The following CDH13 variants were observed in gnomAD, a reference collection of about 807,000 sequenced individuals.
CDH13 encodes cadherin-13.
Under a neutral mutation model 63.8 loss-of-function variants are expected in CDH13, and 24 were observed. The observed-to-expected ratio is 0.38, with a 90% CI of 0.27 to 0.53. CDH13 has a LOEUF of 0.53. Among genes scored for constraint, CDH13 ranks in the 20% least tolerant of loss-of-function variants. CDH13 has a pLI of 0.85. For missense variants in CDH13, 1,049 were observed against 903.1 expected (o/e 1.16, Z -2.07); for synonymous variants, 503 against 355.3 (o/e 1.42, Z -4.67).
At chr16:82,682,406 A>G (rs545754878) in intron 1 of CDH13, among the ~76,000 whole-genome samples, 6 of 152,316 alleles carry the variant, frequency 3.9e-5, no homozygotes, top group African/African-American at 1.2e-4. Context: ...AACAGAGGAG[A>G]GGCCACCTAT....
chr16:83,007,990 T>C (rs1913722623), intron 2 of CDH13, among the ~76,000 whole-genome samples: 1 of 152,208 alleles, frequency 6.6e-6, no homozygotes, highest in Admixed American at 6.5e-5. Context: ...TACTTGGCTA[T>C]TTTCATTCAT....
intron 10 of CDH13, among the ~76,000 whole-genome samples, chr16:83,741,409 T>C (rs1343207026): frequency 6.6e-6 from 1 of 152,156 alleles, no homozygotes; most frequent in Non-Finnish European, 1.5e-5. Flanking sequence ...AAAAATACCC[T>C]GTATCTCCTC....
intron 2 of CDH13, among the ~76,000 whole-genome samples, chr16:82,874,480 T>C (rs1333192855): frequency 6.6e-6 from 1 of 151,666 alleles, no homozygotes; most frequent in Non-Finnish European, 1.5e-5. Flanking sequence ...CTGCACCAGC[T>C]TTTTTCTTTT....
At chr16:82,866,377 CTTTTTTTT>C (rs538206338) in intron 2 of CDH13, among the ~76,000 whole-genome samples, 9 of 58,322 alleles carry the variant, frequency 1.5e-4, no homozygotes, top group Non-Finnish European at 2.0e-4. Flanking sequence ...TTTTCTTCTT[CTTTTTTTT>C]TTTTTTTTTT....
intron 1 of CDH13, among the ~76,000 whole-genome samples, chr16:82,828,974 C>T (rs2038394291): frequency 6.6e-6 from 1 of 152,066 alleles, no homozygotes; most frequent in South Asian, 2.1e-4. Context: ...CAGAGACTTC[C>T]ACAGTGAACA....
intron 7 of CDH13, among the ~76,000 whole-genome samples, chr16:83,491,767 C>T (rs762147449): frequency 2.0e-5 from 3 of 152,090 alleles, no homozygotes; most frequent in Non-Finnish European, 2.9e-5. Context: ...ATAGCCTGCC[C>T]GTGAAAATGT....
Position 83,798,192 on chromosome 16 carries a change from C to G in CDH13, c.*3162C>G, listed in dbSNP as rs911307314. ...ATCTACCATCACACTCATAGAGTAG[C>G]TCAAATTGCATTTTACCCAAATAAA... On this transcript the variant is annotated 3_prime_UTR_variant, in exon 14 of 14. Transcript: ENST00000567109. 6.6e-6 allele frequency: 1 copy of G among 152,318 alleles called. No individual in the cohort carries two copies. Among genetic ancestry groups the G allele is most frequent in the Middle Eastern group, 3.4e-3 (1 of 294 alleles). 9.4% of individuals were successfully genotyped at this position (152,318 alleles called of 1,614,324 possible).
chr16:82,977,740 T>G (rs973665884), intron 2 of CDH13, among the ~76,000 whole-genome samples: 1 of 152,190 alleles, frequency 6.6e-6, no homozygotes, highest in East Asian at 1.9e-4. Flanking sequence ...GGTGCTGCTC[T>G]AAAGATACCC....
At chr16:83,023,086 A>G (rs1448680397) in intron 2 of CDH13, 1 of 152,228 alleles carries the variant, frequency 6.6e-6, no homozygotes, top group Non-Finnish European at 1.5e-5. Context: ...GGAAAAGCAT[A>G]AAATCAAGGT....
At chr16:83,154,381 C>T (rs1485280270) in intron 4 of CDH13, among the ~76,000 whole-genome samples, 1 of 151,846 alleles carries the variant, frequency 6.6e-6, no homozygotes, top group South Asian at 2.1e-4. Flanking sequence ...ATGGTGAAAC[C>T]CTGTCTCTAC....
intron 2 of CDH13, chr16:82,859,190 G>C (rs984124402): frequency 1.1e-4 from 16 of 152,260 alleles, no homozygotes; most frequent in African/African-American, 3.9e-4. Flanking sequence ...TAGACAAATA[G>C]CTATTTCATT....
At chr16:83,457,986 G>A (rs1019209655) in intron 6 of CDH13, among the ~76,000 whole-genome samples, 2 of 152,208 alleles carry the variant, frequency 1.3e-5, no homozygotes, top group African/African-American at 2.4e-5. Context: ...ACAAAAGAGG[G>A]TCCCGGGGGC....
intron 7 of CDH13, among the ~76,000 whole-genome samples, chr16:83,565,489 G>C (rs925892542): frequency 8.7e-5 from 13 of 150,168 alleles, no homozygotes; most frequent in Non-Finnish European, 1.6e-4. Context: ...CACTCCTTGA[G>C]GACATTTGGT....
chr16:83,682,164 G>T (rs936935548), intron 10 of CDH13, among the ~76,000 whole-genome samples: 3 of 152,188 alleles, frequency 2.0e-5, no homozygotes, highest in Non-Finnish European at 2.9e-5. Flanking sequence ...AACAGAAAAA[G>T]AATATGTTGA....
chr16:82,720,436 G>A (rs1287550936), intron 1 of CDH13, among the ~76,000 whole-genome samples: 1 of 152,216 alleles, frequency 6.6e-6, no homozygotes, highest in African/African-American at 2.4e-5. Flanking sequence ...GGTCTTGGGT[G>A]GCCAAAGCCT....
At chr16:83,510,037 C>T (rs1442365541) in intron 7 of CDH13, among the ~76,000 whole-genome samples, 1 of 152,130 alleles carries the variant, frequency 6.6e-6, no homozygotes, top group Non-Finnish European at 1.5e-5. Context: ...AGTGTTTTTG[C>T]TTGTGTTTTA....
chr16:83,245,013 C>A (rs1172496212), intron 5 of CDH13, among the ~76,000 whole-genome samples: 1 of 151,826 alleles, frequency 6.6e-6, no homozygotes, highest in African/African-American at 2.4e-5. Flanking sequence ...GAACCTTCCC[C>A]AAATCATCAT....
At chr16:83,480,764 C>G (rs2151554073) in intron 6 of CDH13, among the ~76,000 whole-genome samples, 1 of 152,248 alleles carries the variant, frequency 6.6e-6, no homozygotes, top group Middle Eastern at 3.4e-3. Context: ...AACCAGGAGG[C>G]CCCAAACCCA....
At chr16:83,632,325 C>T (rs1436779055) in intron 8 of CDH13, among the ~76,000 whole-genome samples, 2 of 152,156 alleles carry the variant, frequency 1.3e-5, no homozygotes, top group Non-Finnish European at 1.5e-5. Context: ...CTCCATCAGT[C>T]AGCCCCTCTT....
Sources: allele counts gnomAD v4.1 joint callset (sites outside exome capture counted in the v4.1 genomes callset), GRCh38; gene constraint gnomAD v4.1.1; transcripts MANE v1.5; gene names NCBI Gene and HGNC (gene_info 2026-07-23, HGNC 2026-07-21).